The following NEGR1 variants were observed in gnomAD, a reference collection of about 807,000 sequenced individuals.
The protein encoded by NEGR1 is neuronal growth regulator 1.
In NEGR1, 10 loss-of-function variants were observed where a neutral mutation model predicts 40.9. The observed-to-expected ratio is 0.24, with a 90% CI of 0.15 to 0.42. NEGR1 has a LOEUF of 0.42. Ranked by LOEUF, NEGR1 falls within the 10% of genes least tolerant of loss-of-function variation. The pLI, the probability that NEGR1 is intolerant of heterozygous loss-of-function variation, is 1.00. For missense variants in NEGR1, 352 were observed against 438.9 expected (o/e 0.80, Z 1.77); for synonymous variants, 185 against 166.8 (o/e 1.11, Z -0.84).
At chr1:72,236,901 T>C (rs1370035097) in intron 1 of NEGR1, among the ~76,000 whole-genome samples, 1 of 152,010 alleles carries the variant, frequency 6.6e-6, no homozygotes, top group Non-Finnish European at 1.5e-5. Context: ...TAAACCAGGG[T>C]TAAAATATTT....
intron 1 of NEGR1, among the ~76,000 whole-genome samples, chr1:72,258,215 G>T (rs532318090): frequency 6.6e-6 from 1 of 152,124 alleles, no homozygotes; most frequent in African/African-American, 2.4e-5. Context: ...AAAACTCAAG[G>T]AGGTGGTAGG....
chr1:72,022,654 T>C (rs3102905), intron 1 of NEGR1, among the ~76,000 whole-genome samples: 79,109 of 151,528 alleles, frequency 0.52, 21,641 homozygotes, highest in East Asian at 0.67. Flanking sequence ...TATTTTCTTC[T>C]GAACATGACC....
At chr1:72,048,561 A>T (rs1160745526) in intron 1 of NEGR1, among the ~76,000 whole-genome samples, 1 of 151,574 alleles carries the variant, frequency 6.6e-6, no homozygotes, top group South Asian at 2.1e-4. Flanking sequence ...ATAATTGATA[A>T]ATCGGGTGGA....
intron 3 of NEGR1, among the ~76,000 whole-genome samples, chr1:71,771,699 C>CAAAAAAAA (rs60830449): frequency 0.19 from 2,351 of 12,058 alleles, 899 homozygotes; most frequent in East Asian, 0.5. Flanking sequence ...GACTTAGTCT[C>CAAAAAAAA]AAAAAAAAAA....
At chr1:71,800,118 T>C (rs1657500974) in intron 2 of NEGR1, among the ~76,000 whole-genome samples, 1 of 152,218 alleles carries the variant, frequency 6.6e-6, no homozygotes, top group Admixed American at 6.5e-5. Flanking sequence ...GCTTTTTTCA[T>C]ATGTTTGTTG....
rs1172119850 is a variant in NEGR1 at position 71,750,001 on chromosome 1, T to TTTTTTTTTTTTTC, written c.535+26170_535+26171insGAAAAAAAAAAAA. On this transcript the variant is annotated intron_variant, in intron 3 of 6. Transcript: ENST00000357731. Reference sequence around the variant, plus strand: ...GTTTGCTCCTTTCTTTTTTTTTTTTTTTTGAGACGGAGTCTCGCTCTGTCG... The same window carrying TTTTTTTTTTTTTC: ...GTTTGCTCCTTTCTTTTTTTTTTTTTTTTTTTTTTTTTCTTTGAGACGGAGTCTCGCTCTGTCG... 2.0e-5 allele frequency among the ~76,000 whole-genome samples: 3 copies of TTTTTTTTTTTTTC among 150,532 alleles called. No homozygotes were observed. The East Asian group carries it at 5.9e-4, about 30-fold the overall frequency.
chr1:71,561,954 A>G (rs1388272791), intron 6 of NEGR1, among the ~76,000 whole-genome samples: 1 of 129,798 alleles, frequency 7.7e-6, no homozygotes, highest in Non-Finnish European at 1.6e-5. Flanking sequence ...TAAAGAACTT[A>G]TGAGTCACCA....
chr1:71,832,030 A>C (rs1658860233), intron 2 of NEGR1, among the ~76,000 whole-genome samples: 1 of 151,864 alleles, frequency 6.6e-6, no homozygotes, highest in African/African-American at 2.4e-5. Context: ...AGTACGCAAG[A>C]TGGATTAGAG....
chr1:71,675,444 AATATAG>A (rs1426361070), intron 4 of NEGR1, among the ~76,000 whole-genome samples: 1 of 151,652 alleles, frequency 6.6e-6, no homozygotes, highest in African/African-American at 2.4e-5. Flanking sequence ...GATATATACA[AATATAG>A]ATATAGATAT....
chr1:72,182,810 G>A (rs953311023), intron 1 of NEGR1, among the ~76,000 whole-genome samples: 1 of 137,796 alleles, frequency 7.3e-6, no homozygotes, highest in Non-Finnish European at 1.5e-5. Context: ...GTTTGTATGT[G>A]TATATGTGTG....
intron 2 of NEGR1, among the ~76,000 whole-genome samples, chr1:71,876,808 A>C (rs1342650144): frequency 6.6e-6 from 1 of 152,120 alleles, no homozygotes; most frequent in Admixed American, 6.6e-5. Flanking sequence ...GAATCATAAT[A>C]TGTTCACTGA....
intron 4 of NEGR1, among the ~76,000 whole-genome samples, chr1:71,671,856 A>G (rs1394381330): frequency 2.0e-5 from 3 of 149,990 alleles, no homozygotes; most frequent in Non-Finnish European, 1.5e-5. Flanking sequence ...TTTTGTTTCA[A>G]TTTTGAAGGC....
chr1:71,880,619 A>T (rs1660557860), intron 2 of NEGR1, among the ~76,000 whole-genome samples: 2 of 152,058 alleles, frequency 1.3e-5, no homozygotes, highest in South Asian at 4.1e-4. Context: ...TTGCAGTTTC[A>T]ATGAAGCTTT....
intron 3 of NEGR1, among the ~76,000 whole-genome samples, chr1:71,709,731 G>T (rs891604558): frequency 2.6e-5 from 4 of 152,140 alleles, no homozygotes; most frequent in Non-Finnish European, 4.4e-5. Context: ...ATGGATTAAA[G>T]ACTTAAATTT....
chr1:72,160,535 A>C (rs1651518627), intron 1 of NEGR1, among the ~76,000 whole-genome samples: 1 of 152,172 alleles, frequency 6.6e-6, no homozygotes, highest in African/African-American at 2.4e-5. Context: ...AGACCAAAGG[A>C]GCAGCAGAAA....
intron 1 of NEGR1, among the ~76,000 whole-genome samples, chr1:72,119,711 G>T (rs909955742): frequency 5.3e-5 from 8 of 151,910 alleles, no homozygotes; most frequent in African/African-American, 1.9e-4. Flanking sequence ...GCTGGCAGGG[G>T]GTTGTTCTTG....
At chr1:72,173,934 C>T (rs1396226520) in intron 1 of NEGR1, among the ~76,000 whole-genome samples, 1 of 152,014 alleles carries the variant, frequency 6.6e-6, no homozygotes, top group Non-Finnish European at 1.5e-5. Flanking sequence ...CAGAGTGAGA[C>T]TCTTATCTCA....
chr1:72,218,986 T>C (rs933609212), intron 1 of NEGR1, among the ~76,000 whole-genome samples: 12 of 152,050 alleles, frequency 7.9e-5, no homozygotes, highest in African/African-American at 2.9e-4. Flanking sequence ...GGGCACTCTC[T>C]CCTCAGTGAA....
intron 5 of NEGR1, among the ~76,000 whole-genome samples, chr1:71,599,551 T>G (rs1649848761): frequency 6.6e-6 from 1 of 152,220 alleles, no homozygotes; most frequent in African/African-American, 2.4e-5. Context: ...GCTTGATACT[T>G]AAGGCTTGAA....
Sources: allele counts gnomAD v4.1 joint callset (sites outside exome capture counted in the v4.1 genomes callset), GRCh38; gene constraint gnomAD v4.1.1; transcripts MANE v1.5; gene names NCBI Gene and HGNC (gene_info 2026-07-23, HGNC 2026-07-21).